The following DGKH variants were observed in gnomAD, a reference collection of about 807,000 sequenced individuals.
The protein encoded by DGKH is diacylglycerol kinase eta, also known as DAG kinase eta.
In DGKH, 90 loss-of-function variants were observed where a neutral mutation model predicts 159.3. The observed-to-expected ratio is 0.57, with a 90% CI of 0.48 to 0.67. DGKH has a LOEUF of 0.67. Among genes scored for constraint, DGKH ranks in the 30% least tolerant of loss-of-function variants. The pLI is 0.00. For synonymous variants in DGKH, 536 were observed against 553.8 expected (o/e 0.97, Z 0.45); for missense variants, 1,181 against 1,506.1 (o/e 0.78, Z 3.57).
chr13:42,152,932 A>G (rs1955949950), intron 3 of DGKH, among the ~76,000 whole-genome samples: 1 of 152,136 alleles, frequency 6.6e-6, no homozygotes, highest in African/African-American at 2.4e-5. Context: ...GCCCCACGGT[A>G]GCATCTGGGG....
chr13:42,234,519 C>T lies in DGKH; in HGVS notation c.*5331C>T. 1 of 152,256 alleles carries T rather than the reference C, an allele frequency of 6.6e-6. No homozygotes were observed. Among genetic ancestry groups the T allele is most frequent in the Admixed American group, 6.5e-5 (1 of 15,276 alleles). 9.4% of individuals were successfully genotyped at this position (152,256 alleles called of 1,614,324 possible). ...ATCTCTCAACCTTGACATTTAGGATCTCTCCTGTCTGCCCCCTCTACGCCC... is the reference window on the plus strand; with the variant it reads ...ATCTCTCAACCTTGACATTTAGGATTTCTCCTGTCTGCCCCCTCTACGCCC... On this transcript the variant is annotated 3_prime_UTR_variant, in exon 30 of 30. Coordinates refer to ENST00000337343, the MANE Select transcript of DGKH (RefSeq NM_178009.5).
At chr13:42,067,461 C>T (rs1052068220) in intron 1 of DGKH, among the ~76,000 whole-genome samples, 1 of 152,064 alleles carries the variant, frequency 6.6e-6, no homozygotes, top group South Asian at 2.1e-4. Context: ...TTTAAGAAGA[C>T]CATTTTTCTC....
chr13:42,049,132 C>T lies in DGKH; in HGVS notation c.192+167C>T, dbSNP rs1261305121. On this transcript the variant is annotated intron_variant, in intron 1 of 29. Transcript: ENST00000337343. ...GGGAAGGCGGGGAAGGCGGGGAAGG[C>T]GGGGATGGTGAGACGGTGAGGCGGG... 4.2e-3 allele frequency among the ~76,000 whole-genome samples: 176 copies of T among 41,946 alleles called. 3 individuals carry two copies. The highest frequency in any genetic ancestry group is 0.013 in the African/African-American group (159 of 12,284). The allele number at this position is 41,946 out of a possible 152,430, so 27.5% of individuals were successfully genotyped here.
At position 42,040,755 on chromosome 13, in the gene DGKH, C is replaced by CGGGGCG. The variant is rs1199032740; in HGVS notation, c.-13+631_-13+636dup. Among the ~76,000 whole-genome samples the CGGGGCG allele has an allele frequency of 5.4e-3, 798 of 147,358 alleles. 5 individuals are homozygous for CGGGGCG. Among genetic ancestry groups the CGGGGCG allele is most frequent in the African/African-American group, 0.018 (740 of 40,482 alleles). ...CGGTGGCTGGCCCCGGGCGGGGAGCCGGGGCGGCGGCGGCGGCGGCCGAGA... is the reference window on the plus strand; with the variant it reads ...CGGTGGCTGGCCCCGGGCGGGGAGCCGGGGCGGGGGCGGCGGCGGCGGCGGCCGAGA... On this transcript the variant is annotated intron_variant, in intron 1 of 29. Coordinates refer to the DGKH transcript ENST00000379274.
chr13:42,202,236 A>G (rs1957364708), intron 20 of DGKH, among the ~76,000 whole-genome samples: 1 of 152,220 alleles, frequency 6.6e-6, no homozygotes, highest in African/African-American at 2.4e-5. Flanking sequence ...TAGTAACAAT[A>G]AAGTAAACCA....
At chr13:42,156,127 T>C (rs1277992545) in intron 5 of DGKH, among the ~76,000 whole-genome samples, 1 of 152,224 alleles carries the variant, frequency 6.6e-6, no homozygotes, top group African/African-American at 2.4e-5. Flanking sequence ...TTTCTGATTG[T>C]TAATTATATT....
Position 42,241,832 on chromosome 13 carries a change from C to A in DGKH, c.*12644C>A, listed in dbSNP as rs1340611542. 13 of 152,088 alleles carry A rather than the reference C, an allele frequency of 8.5e-5. 1 individual carries two copies. In the East Asian group the frequency reaches 2.5e-3, roughly 29 times the overall value. The allele number at this position is 152,088 out of a possible 1,614,324, so 9.4% of individuals were successfully genotyped here. ...ATGAGGCACTAATACATAGGTGAAACAAAAATATTTTTAGTTCTAAAAAAT... is the reference window on the plus strand; with the variant it reads ...ATGAGGCACTAATACATAGGTGAAAAAAAAATATTTTTAGTTCTAAAAAAT... On this transcript the variant is annotated 3_prime_UTR_variant, in exon 30 of 30. Coordinates refer to ENST00000337343, the MANE Select transcript of DGKH (RefSeq NM_178009.5).
intron 3 of DGKH, among the ~76,000 whole-genome samples, chr13:42,137,819 A>G (rs771291136): frequency 3.3e-5 from 5 of 152,232 alleles, no homozygotes; most frequent in Non-Finnish European, 5.9e-5. Context: ...TTGGCATTTC[A>G]GGGCACTCTT....
chr13:42,170,382 C>G (rs1202849269), intron 11 of DGKH, among the ~76,000 whole-genome samples: 1 of 151,962 alleles, frequency 6.6e-6, no homozygotes, highest in African/African-American at 2.4e-5. Flanking sequence ...CACTGCCCTA[C>G]AATCTGGGCG....
At chr13:42,096,535 T>A (rs1036252279) in intron 1 of DGKH, among the ~76,000 whole-genome samples, 8 of 152,350 alleles carry the variant, frequency 5.3e-5, no homozygotes, top group South Asian at 2.1e-4. Context: ...ATATGACAAG[T>A]AATTTTTGAG....
intron 29 of DGKH, among the ~76,000 whole-genome samples, chr13:42,221,825 AAG>A (rs1309025723): frequency 1.3e-5 from 2 of 152,234 alleles, no homozygotes; most frequent in African/African-American, 2.4e-5. Flanking sequence ...ATGGAATGAG[AAG>A]AGAGACTTAC....
intron 26 of DGKH, chr13:42,216,783 T>C (rs1291074641): frequency 6.6e-6 from 1 of 152,234 alleles, no homozygotes; most frequent in Non-Finnish European, 1.5e-5. Flanking sequence ...TGGTTATCTC[T>C]TTTGATAAAA....
rs533697189 is a variant in DGKH, at chr13:42,117,393, AC to A, written c.193-10069del. Among the ~76,000 whole-genome samples the A allele has an allele frequency of 9.7e-4, 148 of 152,330 alleles. 2 individuals are homozygous for A. The highest frequency in any genetic ancestry group is 3.3e-3 in the African/African-American group (139 of 41,576). ...TATGATTATATTTGCTAGAGCTGTT[AC>A]AAATTAATCACTTTTTGGTTATGCT... On this transcript the variant is annotated intron_variant, in intron 1 of 29. Transcript: ENST00000337343.
At chr13:42,148,610 A>G (rs1955796462) in intron 3 of DGKH, among the ~76,000 whole-genome samples, 1 of 152,144 alleles carries the variant, frequency 6.6e-6, no homozygotes, top group African/African-American at 2.4e-5. Flanking sequence ...TTATCTTCCT[A>G]AAATGAGTAT....
At chr13:42,053,141 G>C (rs1185342595) in intron 1 of DGKH, among the ~76,000 whole-genome samples, 3 of 151,890 alleles carry the variant, frequency 2.0e-5, no homozygotes, top group Non-Finnish European at 4.4e-5. Context: ...TTCAAGACTA[G>C]CTTGGGCAAC....
chr13:42,069,491 T>C, intron 1 of DGKH: 1 of 1,570,534 alleles, frequency 6.4e-7, no homozygotes, highest in Non-Finnish European at 8.7e-7. Context: ...CTAAATTGAA[T>C]AGTTCCTGCA....
intron 11 of DGKH, among the ~76,000 whole-genome samples, chr13:42,171,279 A>G (rs1956447768): frequency 6.6e-6 from 1 of 152,210 alleles, no homozygotes; most frequent in South Asian, 2.1e-4. Flanking sequence ...GCTAATAAGT[A>G]ATAGAACGGG....
chr13:42,174,677 T>G (rs1956555431), intron 12 of DGKH, among the ~76,000 whole-genome samples: 1 of 152,194 alleles, frequency 6.6e-6, no homozygotes, highest in Admixed American at 6.5e-5. Flanking sequence ...AATTTCTGTC[T>G]TACTGCTTGC....
At chr13:42,050,703 A>G (rs570546285) in intron 1 of DGKH, among the ~76,000 whole-genome samples, 2 of 151,972 alleles carry the variant, frequency 1.3e-5, no homozygotes, top group South Asian at 2.1e-4. Flanking sequence ...AAAAAATTGT[A>G]TAGGGGCCGG....
Sources: gnomAD v4.1 joint callset for allele counts (sites outside exome capture counted in the v4.1 genomes callset) on GRCh38, gnomAD v4.1.1 for gene constraint, MANE v1.5 for transcripts, NCBI Gene and HGNC (gene_info 2026-07-23, HGNC 2026-07-21) for gene names.